Variants in TRAPPC9 observed in about 807,000 individuals in gnomAD.
TRAPPC9 encodes the protein trafficking protein particle complex subunit 9, also known as IKK2 binding protein.
In TRAPPC9, 83 loss-of-function variants were observed where a neutral mutation model predicts 124.0. The ratio of observed to expected loss-of-function variants is 0.67; its 90% CI spans 0.56 to 0.80. The LOEUF (loss-of-function observed/expected upper bound fraction) is 0.80. Among genes scored for constraint, TRAPPC9 ranks in the 30% least tolerant of loss-of-function variants. The pLI, the probability that TRAPPC9 is intolerant of heterozygous loss-of-function variation, is 0.00. For missense variants in TRAPPC9, 1,302 were observed against 1,508.3 expected, an observed-to-expected ratio of 0.86 and a Z score of 2.27; for synonymous variants, 638 against 617.5, an observed-to-expected ratio of 1.03 and a Z score of -0.49.
In TRAPPC9 at chr8:140,266,979, T is replaced by C. The variant is rs564797484; in HGVS notation, c.2278+8679A>G. ...CCCCTGAGAGACCCACAAAGGTCTGTCTGACCCTTAATATCATGGATCTTT... is the reference window on the plus strand; with the variant it reads ...CCCCTGAGAGACCCACAAAGGTCTGCCTGACCCTTAATATCATGGATCTTT... On this transcript the variant is annotated intron_variant, in intron 15 of 22. Coordinates refer to ENST00000438773, the MANE Select transcript of TRAPPC9 (RefSeq NM_001160372.4). 1.1e-4 allele frequency among the ~76,000 whole-genome samples: 17 copies of C among 152,338 alleles called. No individual in the cohort carries two copies. In the South Asian group the frequency reaches 3.5e-3, roughly 32 times the overall value.
chr8:139,948,717 C>T (rs1375760253), intron 19 of TRAPPC9, among the ~76,000 whole-genome samples: 2 of 152,328 alleles, frequency 1.3e-5, no homozygotes, highest in East Asian at 3.9e-4. Context: ...GCACAGGTGC[C>T]CCCTTTGCAG....
At chr8:140,117,907 G>T (rs974180070) in intron 17 of TRAPPC9, among the ~76,000 whole-genome samples, 2 of 152,132 alleles carry the variant, frequency 1.3e-5, no homozygotes, top group Non-Finnish European at 2.9e-5. Flanking sequence ...ATAAAAAATA[G>T]ATTTATCTCA....
chr8:140,128,988 C>CATATACATAT (rs1554629023), intron 17 of TRAPPC9, among the ~76,000 whole-genome samples: 1 of 134,834 alleles, frequency 7.4e-6, no homozygotes, highest in Non-Finnish European at 1.6e-5. Context: ...TATATATATA[C>CATATACATAT]ATATATATAT....
At chr8:139,926,719 A>AC (rs1832842805) in intron 19 of TRAPPC9, among the ~76,000 whole-genome samples, 3 of 152,258 alleles carry the variant, frequency 2.0e-5, no homozygotes, top group African/African-American at 7.2e-5. Flanking sequence ...ACTCTGCCTC[A>AC]GAAAAAAACA....
chr8:139,924,932 G>A (rs1225695064), intron 19 of TRAPPC9, among the ~76,000 whole-genome samples: 2 of 152,208 alleles, frequency 1.3e-5, no homozygotes, highest in East Asian at 3.8e-4. Context: ...CATGAGCAGG[G>A]GGGTCAGCGG....
chr8:139,735,454 C>T (rs752015655), intron 21 of TRAPPC9, among the ~76,000 whole-genome samples: 14 of 152,196 alleles, frequency 9.2e-5, no homozygotes, highest in Non-Finnish European at 1.9e-4. Context: ...CCTTCTCCCT[C>T]CTCTACCTCT....
At chr8:140,269,263 C>T (rs1205240488) in intron 15 of TRAPPC9, among the ~76,000 whole-genome samples, 2 of 151,988 alleles carry the variant, frequency 1.3e-5, no homozygotes, top group Admixed American at 6.6e-5. Context: ...TGGATTTGGC[C>T]AGGTGCAGTG....
chr8:140,175,447 A>G (rs1189550234), intron 17 of TRAPPC9, among the ~76,000 whole-genome samples: 1 of 152,072 alleles, frequency 6.6e-6, no homozygotes, highest in Non-Finnish European at 1.5e-5. Flanking sequence ...AGGTTCTGAA[A>G]AAGAGTTGGT....
intron 21 of TRAPPC9, among the ~76,000 whole-genome samples, chr8:139,867,531 T>G (rs866441422): frequency 6.6e-6 from 1 of 152,120 alleles, no homozygotes; most frequent in South Asian, 2.1e-4. Flanking sequence ...AGGAGTAGCT[T>G]TACAGTAGAG....
intron 17 of TRAPPC9, among the ~76,000 whole-genome samples, chr8:140,124,681 C>CCCT (rs1279697913): frequency 6.6e-6 from 1 of 152,200 alleles, no homozygotes; most frequent in Non-Finnish European, 1.5e-5. Context: ...CACAGGAAGA[C>CCCT]CCTCAGAGGG....
At chr8:139,833,971 G>A (rs1209593234) in intron 21 of TRAPPC9, among the ~76,000 whole-genome samples, 2 of 152,214 alleles carry the variant, frequency 1.3e-5, no homozygotes, top group African/African-American at 4.8e-5. Flanking sequence ...AGGCTTTCCT[G>A]TGGCATGACC....
At chr8:139,791,413 A>ACACACT (rs111499165) in intron 21 of TRAPPC9, among the ~76,000 whole-genome samples, 14,859 of 149,358 alleles carry the variant, frequency 0.099, 2,483 homozygotes, top group African/African-American at 0.35. Context: ...AGACTCACAC[A>ACACACT]CACACTCACA....
At chr8:139,975,927 CTTTTTTT>C (rs528679775) in intron 19 of TRAPPC9, among the ~76,000 whole-genome samples, 1 of 95,566 alleles carries the variant, frequency 1.0e-5, no homozygotes, top group Non-Finnish European at 2.0e-5. Context: ...AAAGGACAGT[CTTTTTTT>C]TTTTTTTTTT....
chr8:140,368,984 T>C (rs768450754), intron 8 of TRAPPC9, among the ~76,000 whole-genome samples: 7 of 152,226 alleles, frequency 4.6e-5, no homozygotes, highest in Non-Finnish European at 4.4e-5. Context: ...CATGTACTAA[T>C]GTAAACACAG....
chr8:139,777,544 C>T (rs1209305764), intron 21 of TRAPPC9, among the ~76,000 whole-genome samples: 3 of 152,166 alleles, frequency 2.0e-5, no homozygotes, highest in South Asian at 4.1e-4. Context: ...AGATTTCCTC[C>T]TTGACAATAA....
chr8:140,360,493 A>G lies in TRAPPC9; in HGVS notation c.1352-300T>C, dbSNP rs375381376. ...GCTTAGAACAAAAGATGGATTTCATATATCTGAGCTAGAGACATACTTTTT... is the reference window on the plus strand; with the variant it reads ...GCTTAGAACAAAAGATGGATTTCATGTATCTGAGCTAGAGACATACTTTTT... On this transcript the variant is annotated intron_variant, in intron 8 of 22. Transcript: ENST00000438773. 3.9e-5 allele frequency among the ~76,000 whole-genome samples: 6 copies of G among 152,242 alleles called. No homozygotes were observed. The East Asian group carries it at 1.2e-3, about 29-fold the overall frequency.
chr8:139,942,386 TA>T (rs5895626), intron 19 of TRAPPC9, among the ~76,000 whole-genome samples: 60,617 of 151,860 alleles, frequency 0.4, 12,282 homozygotes, highest in East Asian at 0.6. Flanking sequence ...ATTTTATTTT[TA>T]AAAAAAATCA....
chr8:139,925,818 C>T (rs1184976931), intron 19 of TRAPPC9, among the ~76,000 whole-genome samples: 1 of 92,288 alleles, frequency 1.1e-5, no homozygotes, highest in African/African-American at 5.5e-5. Context: ...CGCACACGCA[C>T]ACGCACACGC....
chr8:140,140,659 C>T (rs1563791929), intron 17 of TRAPPC9, among the ~76,000 whole-genome samples: 1 of 152,200 alleles, frequency 6.6e-6, no homozygotes, highest in East Asian at 1.9e-4. Context: ...CCTCCCAGAT[C>T]TTGCCACATT....
Sources: allele counts gnomAD v4.1 joint callset (sites outside exome capture counted in the v4.1 genomes callset), GRCh38; gene constraint gnomAD v4.1.1; transcripts MANE v1.5; gene names NCBI Gene and HGNC (gene_info 2026-07-23, HGNC 2026-07-21).